DIS3L: variants seen among roughly 807,000 people sequenced by gnomAD.
DIS3L encodes DIS3 like exosome 3'-5' exoribonuclease.
DIS3L carries 100 observed loss-of-function variants against 120.3 expected under a neutral mutation model. That is an observed-to-expected ratio of 0.83 (90% CI 0.71 to 0.98). The LOEUF (loss-of-function observed/expected upper bound fraction) is 0.98. Ranked by LOEUF, DIS3L falls within the 50% of genes least tolerant of loss-of-function variation. The probability of loss-of-function intolerance (pLI) is 0.00; values close to 1 mark genes in which losing one functional copy is unlikely to be tolerated. For synonymous variants in DIS3L, 426 were observed against 470.6 expected, an observed-to-expected ratio of 0.91 and a Z score of 1.23; for missense variants, 1,196 against 1,314.2, an observed-to-expected ratio of 0.91 and a Z score of 1.39.
intron 9 of DIS3L, among the ~76,000 whole-genome samples, chr15:66,321,659 G>T (rs1163145507): frequency 6.7e-6 from 1 of 149,334 alleles, no homozygotes; most frequent in Admixed American, 6.8e-5. Flanking sequence ...CCAGCTACTC[G>T]GGAGGCTGAG....
intron 4 of DIS3L, among the ~76,000 whole-genome samples, chr15:66,310,110 G>A (rs955718001): frequency 2.6e-5 from 4 of 152,088 alleles, no homozygotes; most frequent in African/African-American, 9.7e-5. Flanking sequence ...CTAGAATAAG[G>A]CCCTGTATTA....
At chr15:66,329,638 G>A (rs565366133) in intron 14 of DIS3L, 46 of 1,195,550 alleles carry the variant, frequency 3.8e-5, no homozygotes, top group Middle Eastern at 6.8e-4. Flanking sequence ...TTCAAGCAAC[G>A]CATAAAGATA....
chr15:66,310,371 T>TG (rs775338216), intron 4 of DIS3L, among the ~76,000 whole-genome samples: 7 of 152,386 alleles, frequency 4.6e-5, no homozygotes, highest in Admixed American at 2.0e-4. Context: ...TTCTACTTTT[T>TG]TGAAAATTAC....
rs2092561550 is a variant in DIS3L at position 66,294,350 on chromosome 15, C to A, written c.139+615C>A. ...TAGGCCACAAGGGTGGCCGATAGAA[C>A]GATGCACGTTACTGGCTCTCTTCCC... On this transcript the variant is annotated intron_variant, in intron 1 of 16. Coordinates refer to ENST00000319212, the MANE Select transcript of DIS3L (RefSeq NM_001143688.3). 5 of 985,370 alleles carry A rather than the reference C, an allele frequency of 5.1e-6. 1 individual carries two copies. The South Asian group carries it at 2.3e-4, about 46-fold the overall frequency. The allele number at this position is 985,370 out of a possible 1,614,324, so 61.0% of individuals were successfully genotyped here.
intron 9 of DIS3L, among the ~76,000 whole-genome samples, chr15:66,322,143 A>G (rs1184203912): frequency 6.6e-6 from 1 of 152,250 alleles, no homozygotes; most frequent in Non-Finnish European, 1.5e-5. Context: ...TGGGCTATAC[A>G]TCATAGGACT....
rs909843441 is a variant in DIS3L, at chr15:66,307,303, A to G, written c.422+351A>G. Among the ~76,000 whole-genome samples the G allele has an allele frequency of 2.0e-5, 3 of 150,052 alleles. No individual in the cohort carries two copies. In the East Asian group the frequency reaches 5.9e-4, roughly 29 times the overall value. On this transcript the variant is annotated intron_variant, in intron 3 of 16. Transcript: ENST00000319212. ...CTTTTTTGTTTTTTTATTTTTTTTA[A>G]TTTTTTTTTGAGACAGGGTTTTTTG...
In DIS3L at chr15:66,293,592, CCG is replaced by C; in HGVS notation, c.-3_-2del. The C allele has an allele frequency of 7.0e-7, 1 of 1,431,624 alleles. No individual in the cohort carries two copies. Among genetic ancestry groups the C allele is most frequent in the Non-Finnish European group, 9.2e-7 (1 of 1,092,766 alleles). 88.7% of individuals were successfully genotyped at this position (1,431,624 alleles called of 1,614,324 possible). On this transcript the variant is annotated 5_prime_UTR_variant, in exon 1 of 17. Coordinates refer to ENST00000319212, the MANE Select transcript of DIS3L (RefSeq NM_001143688.3). ...CACTCCGCGGCCGCCGGGAGACACG[CCG>C]CCATGCTGCAGAAGCGGGAGAAGGT...
chr15:66,310,350 A>C (rs907847694), intron 4 of DIS3L, among the ~76,000 whole-genome samples: 2 of 152,224 alleles, frequency 1.3e-5, no homozygotes, highest in Non-Finnish European at 2.9e-5. Flanking sequence ...CAGTTGACTA[A>C]AATTACATTT....
intron 2 of DIS3L, 21 bp from the exon 3 acceptor site, chr15:66,306,803 T>C: frequency 4.3e-6 from 7 of 1,613,114 alleles, no homozygotes; most frequent in Middle Eastern, 1.7e-4. Flanking sequence ...GTTAGAGTTA[T>C]TTTTCTCCTC....
At chr15:66,310,295 T>C (rs1221245460) in intron 4 of DIS3L, among the ~76,000 whole-genome samples, 1 of 152,230 alleles carries the variant, frequency 6.6e-6, no homozygotes, top group Non-Finnish European at 1.5e-5. Context: ...GCAGTGTCAC[T>C]TGTTTTTTCT....
rs537875202 is a variant in DIS3L, at chr15:66,294,970, T to C, written c.140-18T>C. On this transcript the variant is annotated intron_variant, in intron 1 of 16. Transcript: ENST00000319212. Reference sequence around the variant, plus strand: ...TGAAAACATTGTCTAATCTCTTACATTTTGAATTATGTTTCAGATGGGAAA... The same window carrying C: ...TGAAAACATTGTCTAATCTCTTACACTTTGAATTATGTTTCAGATGGGAAA... 6.3e-7 allele frequency: 1 copy of C among 1,592,390 alleles called. No individual in the cohort carries two copies. Among genetic ancestry groups the C allele is most frequent in the East Asian group, 2.3e-5 (1 of 43,754 alleles).
chr15:66,326,587 CA>C, intron 12 of DIS3L: 1 of 535,548 alleles, frequency 1.9e-6, no homozygotes, highest in East Asian at 3.6e-5. Context: ...TTTTTTGTTT[CA>C]ATTTTTTTTT....
At chr15:66,293,924 G>C in intron 1 of DIS3L, 189 bp downstream of exon 1, 1 of 998,742 alleles carries the variant, frequency 1.0e-6, no homozygotes, top group Non-Finnish European at 1.2e-6. Flanking sequence ...CGGGTCCGCG[G>C]CTTCTGGGGC....
At chr15:66,311,979 G>C in intron 5 of DIS3L, 79 bp downstream of exon 5, 1 of 1,512,916 alleles carries the variant, frequency 6.6e-7, no homozygotes, top group South Asian at 1.2e-5. Context: ...GGCTAAGGCT[G>C]ATAGATTGCT....
chr15:66,315,085 A>C lies in DIS3L; in HGVS notation c.864A>C (p.Ser288=). ...LIHGMKARNR[S]IHGDVVVVEL... ...ACGGGATGAAGGCTCGAAACCGCTC[A>C]ATTCATGGAGATGTGGTAGTTGTGG... The change falls in exon 7 of 17, where the codon TCA becomes TCC. Residue 288 remains serine, a synonymous_variant. Transcript: ENST00000319212. 6.2e-7 allele frequency: 1 copy of C among 1,614,138 alleles called. No individual in the cohort carries two copies. The highest frequency in any genetic ancestry group is 2.2e-5 in the East Asian group (1 of 44,870).
chr15:66,311,957 T>C, intron 5 of DIS3L, 57 bp downstream of exon 5: 1 of 1,588,908 alleles, frequency 6.3e-7, no homozygotes, highest in Non-Finnish European at 8.6e-7. Flanking sequence ...ATGCCTGTAA[T>C]CCCAGCACTT....
chr15:66,333,322 A>T lies in DIS3L; in HGVS notation c.*10A>T, dbSNP rs148255331. On this transcript the variant is annotated 3_prime_UTR_variant, in exon 17 of 17. Transcript: ENST00000319212. The stretch of plus-strand genomic sequence containing the variant: ...CAATTATGGAATATGAGAGGCTCTT[A>T]CTTCACTAAGAGCTGTCATATGTGA... 1,781 of 1,583,188 alleles carry T rather than the reference A, an allele frequency of 1.1e-3. 34 individuals carry two copies. The Admixed American group carries it at 0.032, about 28-fold the overall frequency.
chr15:66,315,942 C>A (rs1304372569), intron 7 of DIS3L, among the ~76,000 whole-genome samples: 1 of 152,214 alleles, frequency 6.6e-6, no homozygotes, highest in African/African-American at 2.4e-5. Flanking sequence ...CCTCCCAGTT[C>A]TCCCACCCTG....
At chr15:66,297,996 A>G (rs1316873285) in intron 2 of DIS3L, among the ~76,000 whole-genome samples, 1 of 152,124 alleles carries the variant, frequency 6.6e-6, no homozygotes, top group East Asian at 1.9e-4. Flanking sequence ...CCTGGCCAAC[A>G]TGGCGAAATC....
Sources: allele counts gnomAD v4.1 joint callset (sites outside exome capture counted in the v4.1 genomes callset), GRCh38; gene constraint gnomAD v4.1.1; transcripts MANE v1.5; gene names NCBI Gene and HGNC (gene_info 2026-07-23, HGNC 2026-07-21).